NLRP9: variants seen among roughly 807,000 people sequenced by gnomAD.
The protein encoded by NLRP9 is NLR family pyrin domain containing 9.
In NLRP9, 88 loss-of-function variants were observed where a neutral mutation model predicts 83.1. That is an observed-to-expected ratio of 1.06 (90% confidence interval 0.89 to 1.26). NLRP9 has a LOEUF of 1.26. NLRP9 is among the 50% of genes most tolerant of loss of function. The pLI, the probability that NLRP9 is intolerant of heterozygous loss-of-function variation, is 0.00. For synonymous variants in NLRP9, 521 were observed against 447.6 expected, an observed-to-expected ratio of 1.16 and a Z score of -2.07; for missense variants, 1,308 against 1,179.3, an observed-to-expected ratio of 1.11 and a Z score of -1.60.
At chr19:55,714,118 A>G (rs575867526) in intron 6 of NLRP9, among the ~76,000 whole-genome samples, 5 of 151,792 alleles carry the variant, frequency 3.3e-5, no homozygotes, top group Admixed American at 2.6e-4. Flanking sequence ...AGAATGCTCT[A>G]TTGACCAACT....
intron 3 of NLRP9, among the ~76,000 whole-genome samples, chr19:55,726,643 C>T (rs1600137941): frequency 6.6e-6 from 1 of 152,142 alleles, no homozygotes; most frequent in East Asian, 1.9e-4. Context: ...TAACTTCTTC[C>T]TTAACTATGA....
chr19:55,713,329 T>A (rs1987843992), intron 6 of NLRP9, among the ~76,000 whole-genome samples: 1 of 151,646 alleles, frequency 6.6e-6, no homozygotes, highest in Non-Finnish European at 1.5e-5. Flanking sequence ...GGACAGAGGA[T>A]AGGGGACAGA....
In NLRP9 at chr19:55,724,018, C is replaced by T. The variant is rs369404944; in HGVS notation, c.2121G>A (p.Glu707=). 2.5e-6 allele frequency: 4 copies of T among 1,613,934 alleles called. No individual in the cohort carries two copies. Among genetic ancestry groups the T allele is most frequent in the Non-Finnish European group, 3.4e-6 (4 of 1,179,964 alleles). Residue 707 remains glutamate, a synonymous_variant, in exon 4 of 9, where the codon GAG becomes GAA. Transcript: ENST00000332836. ...TCTTGCACATTGGATGTTTCAGCGT[C>T]TCACACAGGTGTCTGATGTCAGACT... ...LSQSDIRHLC[E]TLKHPMCKIE... is the part of the protein sequence containing the mutation.
chr19:55,713,507 G>A (rs1468323151), intron 6 of NLRP9, among the ~76,000 whole-genome samples: 1 of 150,628 alleles, frequency 6.6e-6, no homozygotes, highest in Non-Finnish European at 1.5e-5. Context: ...GCCCACCAGA[G>A]GACACTGGTA....
At chr19:55,719,498 G>A (rs1396866070) in intron 4 of NLRP9, among the ~76,000 whole-genome samples, 1 of 152,218 alleles carries the variant, frequency 6.6e-6, no homozygotes, top group East Asian at 1.9e-4. Context: ...CCCGCTCAAA[G>A]GGCAATGCAT....
At chr19:55,724,199 CAG>C in intron 3 of NLRP9, 55 bp from the exon 4 acceptor site, 1 of 1,253,634 alleles carries the variant, frequency 8.0e-7, no homozygotes, top group South Asian at 1.4e-5. Flanking sequence ...AGCACAAAGA[CAG>C]ACACCTCTTG....
chr19:55,716,802 A>T lies in NLRP9; in HGVS notation c.2256T>A (p.Asn752Lys). 1 of 1,613,724 alleles carries T rather than the reference A, an allele frequency of 6.2e-7. No individual in the cohort carries two copies. Residue 752 changes from asparagine (N) to lysine (K), a missense_variant, in exon 5 of 9, where the codon AAT becomes AAA. Asn to Lys is a moderately conservative substitution (Grantham distance 94). Coordinates refer to ENST00000332836, the MANE Select transcript of NLRP9 (RefSeq NM_176820.4). ...ACGTCATTCCTTCGTCCCTCAAGGG[A>T]TTTTCTACCAAGGAGAGGTGTTTCA... ...SKLKHLSLVE[N>K]PLRDEGMTLL...
At chr19:55,728,018 C>T (rs1157633997) in intron 3 of NLRP9, among the ~76,000 whole-genome samples, 2 of 152,110 alleles carry the variant, frequency 1.3e-5, no homozygotes, top group African/African-American at 4.8e-5. Context: ...GTGGGATCAC[C>T]AGGACACAAT....
At position 55,711,280 on chromosome 19, in the gene NLRP9, TAAAATC is replaced by T. The variant is rs1021584552; in HGVS notation, c.2843+514_2843+519del. 4.0e-6 allele frequency: 3 copies of T among 749,590 alleles called. No individual in the cohort carries two copies. The African/African-American group carries it at 5.7e-5, about 14-fold the overall frequency. 46.4% of individuals were successfully genotyped at this position (749,590 alleles called of 1,614,324 possible). A position where few individuals can be genotyped will look rare whatever the true frequency, so the allele number is the denominator to read the frequency against. ...AAATAACTTTTAAAAATTAAAAAAA[TAAAATC>T]AGAAGGAAAAATTAACATAAAAAAT... On this transcript the variant is annotated intron_variant, in intron 8 of 8. Transcript: ENST00000332836.
chr19:55,716,174 G>A (rs1988001591), intron 5 of NLRP9, among the ~76,000 whole-genome samples: 1 of 151,360 alleles, frequency 6.6e-6, no homozygotes, highest in Non-Finnish European at 1.5e-5. Flanking sequence ...CTTGATTATA[G>A]TAATCATTTT....
Position 55,716,850 on chromosome 19 carries a change from G to A in NLRP9, c.2208C>T (p.Ser736=), listed in dbSNP as rs141420832. 1.1e-5 allele frequency: 18 copies of A among 1,613,814 alleles called. No individual in the cohort carries two copies. Among genetic ancestry groups the A allele is most frequent in the South Asian group, 1.1e-4 (10 of 91,084 alleles). The change falls in exon 5 of 9, where the codon TCC becomes TCT. Residue 736 remains serine (S), a synonymous_variant. Coordinates refer to ENST00000332836, the MANE Select transcript of NLRP9 (RefSeq NM_176820.4). ...ISSEVCEDIA[S]VLACNSKLKH... is the part of the protein sequence containing the mutation. ...TCAGCTTGCTGTTGCAGGCCAGGACGGAGGCGATGTCTTCACAAACTTCAC... is the reference window on the plus strand; with the variant it reads ...TCAGCTTGCTGTTGCAGGCCAGGACAGAGGCGATGTCTTCACAAACTTCAC...
chr19:55,711,025 G>A (rs1405032802), intron 8 of NLRP9, among the ~76,000 whole-genome samples: 1 of 151,172 alleles, frequency 6.6e-6, no homozygotes, highest in East Asian at 1.9e-4. Context: ...GGCAGGGGTT[G>A]AAGTGAGCTG....
chr19:55,734,396 T>C (rs1271660074), intron 1 of NLRP9, among the ~76,000 whole-genome samples: 2 of 133,728 alleles, frequency 1.5e-5, no homozygotes, highest in African/African-American at 2.9e-5. Context: ...AAAAAAAAAT[T>C]ACTATATCAA....
chr19:55,711,450 G>A lies in NLRP9; in HGVS notation c.2843+350C>T, dbSNP rs762409113. 1.3e-5 allele frequency: 17 copies of A among 1,306,076 alleles called. No individual in the cohort carries two copies. The Middle Eastern group carries it at 6.2e-4, about 48-fold the overall frequency. 80.9% of individuals were successfully genotyped at this position (1,306,076 alleles called of 1,614,324 possible). A position where few individuals can be genotyped will look rare whatever the true frequency, so the allele number is the denominator to read the frequency against. The stretch of plus-strand genomic sequence containing the variant: ...CAGAAGCCCTTCTGAAGTCTGAGCT[G>A]GCGTTGCATATTTATGGGCAACGTA... On this transcript the variant is annotated intron_variant, in intron 8 of 8. Transcript: ENST00000332836.
At chr19:55,723,281 T>C (rs1988287257) in intron 4 of NLRP9, among the ~76,000 whole-genome samples, 4 of 152,152 alleles carry the variant, frequency 2.6e-5, no homozygotes, top group Admixed American at 2.6e-4. Flanking sequence ...TTTAATGCTG[T>C]CAACTGCCAA....
intron 6 of NLRP9, among the ~76,000 whole-genome samples, chr19:55,713,361 A>G (rs1464876153): frequency 6.6e-6 from 1 of 151,806 alleles, no homozygotes; most frequent in Non-Finnish European, 1.5e-5. Flanking sequence ...TAGATGATAA[A>G]TGACAGATGA....
chr19:55,723,727 C>CAAAAAAAA (rs10711721), intron 4 of NLRP9, among the ~76,000 whole-genome samples: 4 of 79,816 alleles, frequency 5.0e-5, no homozygotes, highest in Admixed American at 4.7e-4. Context: ...GACCCTGTCT[C>CAAAAAAAA]AAAAAAAAAA....
intron 3 of NLRP9, 134 bp downstream of exon 3, chr19:55,729,696 AC>A (rs1988513241): frequency 1.5e-6 from 1 of 670,078 alleles, no homozygotes; most frequent in Non-Finnish European, 2.5e-6. Flanking sequence ...CAATAAACAT[AC>A]ATGTACATGT....
chr19:55,729,050 C>CATTT (rs1471305143), intron 3 of NLRP9, among the ~76,000 whole-genome samples: 21 of 70,252 alleles, frequency 3.0e-4, no homozygotes, highest in African/African-American at 9.7e-4. Context: ...TTTTCTTTTT[C>CATTT]TTTTTTTTTT....
Sources: allele counts gnomAD v4.1 joint callset (sites outside exome capture counted in the v4.1 genomes callset), GRCh38; gene constraint gnomAD v4.1.1; transcripts MANE v1.5; gene names NCBI Gene and HGNC (gene_info 2026-07-23, HGNC 2026-07-21).